Variants in SOX30 observed in about 807,000 individuals in gnomAD.
SOX30 encodes transcription factor SOX-30.
Under a neutral mutation model 58.6 loss-of-function variants are expected in SOX30, and 17 were observed. The ratio of observed to expected loss-of-function variants is 0.29; its 90% CI spans 0.20 to 0.44. The LOEUF (loss-of-function observed/expected upper bound fraction) is 0.44. Ranked by LOEUF, SOX30 falls within the 20% of genes least tolerant of loss-of-function variation. The pLI, the probability that SOX30 is intolerant of heterozygous loss-of-function variation, is 1.00. For missense variants in SOX30, 951 were observed against 965.8 expected (o/e 0.98, Z 0.20); for synonymous variants, 421 against 400.2 (o/e 1.05, Z -0.62).
chr5:157,659,015 T>C (rs1759530563), intron 2 of SOX30, among the ~76,000 whole-genome samples: 1 of 152,174 alleles, frequency 6.6e-6, no homozygotes, highest in Non-Finnish European at 1.5e-5. Context: ...ACCAGTGCCA[T>C]GATAGTTTAC....
At chr5:157,633,455 G>A (rs753379074) in intron 4 of SOX30, among the ~76,000 whole-genome samples, 4 of 152,096 alleles carry the variant, frequency 2.6e-5, no homozygotes, top group Non-Finnish European at 5.9e-5. Flanking sequence ...TTCCTTGCTG[G>A]GGAGTTCAGG....
intron 2 of SOX30, among the ~76,000 whole-genome samples, chr5:157,647,851 G>A (rs906961822): frequency 5.9e-5 from 9 of 151,978 alleles, no homozygotes; most frequent in Non-Finnish European, 1.2e-4. Flanking sequence ...GAGCCACCGC[G>A]CCTGGCTGAT....
At position 157,642,477 on chromosome 5, in the gene SOX30, G is replaced by A. The variant is rs1011109631; in HGVS notation, c.1388-3755C>T. ...AGAAAGTCAAAAAAATCTACGCTGG[G>A]GTTATTCAATTTTTGGAATATTGAT... is the stretch of plus-strand genomic sequence containing the variant. On this transcript the variant is annotated intron_variant, in intron 3 of 4. Coordinates refer to ENST00000265007, the MANE Select transcript of SOX30 (RefSeq NM_178424.2). Among the ~76,000 whole-genome samples the A allele has an allele frequency of 6.1e-4, 93 of 151,852 alleles. 1 individual carries two copies. Among genetic ancestry groups the A allele is most frequent in the African/African-American group, 1.9e-3 (80 of 41,392 alleles).
intron 4 of SOX30, among the ~76,000 whole-genome samples, chr5:157,628,546 G>C (rs1469287071): frequency 1.3e-5 from 2 of 151,962 alleles, no homozygotes; most frequent in Non-Finnish European, 2.9e-5. Context: ...TAACAAATGA[G>C]GTAAAGTTTC....
At chr5:157,646,981 G>T (rs549024751) in intron 2 of SOX30, among the ~76,000 whole-genome samples, 165 bp from the exon 3 acceptor site, 1 of 151,944 alleles carries the variant, frequency 6.6e-6, no homozygotes, top group Non-Finnish European at 1.5e-5. Context: ...CTTCTCCACT[G>T]TGTATTTTAA....
At chr5:157,659,698 G>T (rs1453294276) in intron 2 of SOX30, among the ~76,000 whole-genome samples, 1 of 152,206 alleles carries the variant, frequency 6.6e-6, no homozygotes, top group Non-Finnish European at 1.5e-5. Flanking sequence ...AAGGTGGTCA[G>T]GCTACAGCTT....
intron 4 of SOX30, among the ~76,000 whole-genome samples, chr5:157,627,329 C>T (rs933426416): frequency 2.0e-5 from 3 of 152,138 alleles, no homozygotes; most frequent in Non-Finnish European, 4.4e-5. Context: ...CGCCACTGCA[C>T]TCCAGCCTGG....
At chr5:157,670,675 A>T (rs1759761680) in intron 1 of SOX30, among the ~76,000 whole-genome samples, 1 of 152,336 alleles carries the variant, frequency 6.6e-6, no homozygotes, top group South Asian at 2.1e-4. Flanking sequence ...TTAGCAGTTC[A>T]GTTTCACCAC....
intron 4 of SOX30, among the ~76,000 whole-genome samples, chr5:157,637,181 C>T (rs1758951604): frequency 1.3e-5 from 2 of 150,896 alleles, no homozygotes; most frequent in Non-Finnish European, 3.0e-5. Context: ...TAATACCACT[C>T]TATCAAAATA....
At chr5:157,631,482 TG>T (rs1758806480) in intron 4 of SOX30, among the ~76,000 whole-genome samples, 5 of 152,270 alleles carry the variant, frequency 3.3e-5, no homozygotes, top group African/African-American at 1.2e-4. Context: ...AATTTTGAGC[TG>T]GGCGCGGTGG....
chr5:157,656,627 C>T (rs7728747), upstream of SOX30, among the ~76,000 whole-genome samples: 25,947 of 152,138 alleles, frequency 0.17, 2,525 homozygotes, highest in African/African-American at 0.27. Context: ...AAGTAAAAAT[C>T]GCTGAAAGTT....
At chr5:157,633,544 A>C (rs1447593200) in intron 4 of SOX30, among the ~76,000 whole-genome samples, 1 of 152,216 alleles carries the variant, frequency 6.6e-6, no homozygotes, top group Non-Finnish European at 1.5e-5. Context: ...AACTAAGTCT[A>C]TCATGTTTTG....
chr5:157,650,391 T>A (rs962409387), intron 1 of SOX30, among the ~76,000 whole-genome samples: 1 of 152,170 alleles, frequency 6.6e-6, no homozygotes, highest in African/African-American at 2.4e-5. Context: ...CTTTCCAAGA[T>A]GTTCATTGGC....
intron 4 of SOX30, 64 bp downstream of exon 4, chr5:157,638,166 G>A: frequency 3.5e-6 from 5 of 1,431,982 alleles, no homozygotes; most frequent in South Asian, 1.4e-5. Flanking sequence ...ACAAAAAAAT[G>A]TTGTCACAGG....
In SOX30 at chr5:157,652,424, C is replaced by T. The variant is rs184715299; in HGVS notation, c.-346G>A. The T allele has an allele frequency of 7.7e-6, 8 of 1,034,450 alleles. No individual in the cohort carries two copies. In the African/African-American group the frequency reaches 1.3e-4, roughly 17 times the overall value. 64.1% of individuals were successfully genotyped at this position (1,034,450 alleles called of 1,614,324 possible). A position where few individuals can be genotyped will look rare whatever the true frequency, so the allele number is the denominator to read the frequency against. ...TGTCTTTAGTCATCCCTCCCCCACC[C>T]GGAGCTGCGACAATGGCGTTGCCCA... On this transcript the variant is annotated 5_prime_UTR_variant, in exon 1 of 5. Transcript: ENST00000265007.
chr5:157,651,554 G>C lies in SOX30; in HGVS notation c.525C>G (p.Leu175=). ...CCTTCTCGTCCCCTCGGAAGTAGCC[G>C]AGGGCCGGCCCGGGGCCTTCCAACT... ...VVKLEGPGPA[L]GYFRGDEKGK... The change falls in exon 1 of 5, where the codon CTC becomes CTG. Residue 175 remains leucine, a synonymous_variant. Coordinates refer to ENST00000265007, the MANE Select transcript of SOX30 (RefSeq NM_178424.2). 1 of 1,613,066 alleles carries C rather than the reference G, an allele frequency of 6.2e-7. No homozygotes were observed. Among genetic ancestry groups the C allele is most frequent in the African/African-American group, 1.3e-5 (1 of 75,054 alleles).
chr5:157,634,157 G>C (rs55941697), intron 4 of SOX30, among the ~76,000 whole-genome samples: 6,379 of 152,276 alleles, frequency 0.042, 213 homozygotes, highest in East Asian at 0.1. Context: ...AAACCACCTA[G>C]CCTACTTGAT....
chr5:157,643,772 T>G (rs1225203249), intron 3 of SOX30, among the ~76,000 whole-genome samples: 1 of 152,138 alleles, frequency 6.6e-6, no homozygotes, highest in Non-Finnish European at 1.5e-5. Context: ...TACCGTAACT[T>G]CATATTTAGA....
chr5:157,636,008 T>C (rs1758917357), intron 4 of SOX30, among the ~76,000 whole-genome samples: 1 of 152,202 alleles, frequency 6.6e-6, no homozygotes, highest in Non-Finnish European at 1.5e-5. Flanking sequence ...GATGAGGCTA[T>C]TTACTAATCC....
Sources: allele counts gnomAD v4.1 joint callset (sites outside exome capture counted in the v4.1 genomes callset), GRCh38; gene constraint gnomAD v4.1.1; transcripts MANE v1.5; gene names NCBI Gene and HGNC (gene_info 2026-07-23, HGNC 2026-07-21).